Variants in GMDS observed in about 807,000 individuals in gnomAD.
GMDS encodes GDP-mannose 4,6 dehydratase.
Under a neutral mutation model 49.9 loss-of-function variants are expected in GMDS, and 20 were observed. That is an observed-to-expected ratio of 0.40 (90% CI 0.28 to 0.58). The LOEUF is 0.58. Among genes scored for constraint, GMDS ranks in the 20% least tolerant of loss-of-function variants. The pLI, the probability that GMDS is intolerant of heterozygous loss-of-function variation, is 0.42. For synonymous variants in GMDS, 177 were observed against 178.6 expected (o/e 0.99, Z 0.07); for missense variants, 362 against 481.4 (o/e 0.75, Z 2.32).
intron 1 of GMDS, among the ~76,000 whole-genome samples, chr6:2,204,799 C>T (rs1025446432): frequency 3.9e-5 from 6 of 152,158 alleles, no homozygotes; most frequent in Non-Finnish European, 5.9e-5. Context: ...ATGTCCCTTT[C>T]GCCTACTGGT....
At chr6:2,171,206 C>A (rs1324639777) in intron 1 of GMDS, among the ~76,000 whole-genome samples, 1 of 152,114 alleles carries the variant, frequency 6.6e-6, no homozygotes, top group Admixed American at 6.5e-5. Flanking sequence ...TTTCAGTGGT[C>A]TGAGGAGCTT....
rs1763105327 is a variant in GMDS at position 1,635,173 on chromosome 6, G to A, written c.988-10633C>T. Among the ~76,000 whole-genome samples, 1 of 152,178 alleles carries A rather than the reference G, an allele frequency of 6.6e-6. No individual in the cohort carries two copies. Among genetic ancestry groups the A allele is most frequent in the African/African-American group, 2.4e-5 (1 of 41,438 alleles). On this transcript the variant is annotated intron_variant, in intron 9 of 10. Coordinates refer to ENST00000380815, the MANE Select transcript of GMDS (RefSeq NM_001500.4). The surrounding 1 kb of genome is among the most constrained non-coding windows in gnomAD (Gnocchi z 4.7). ...GTGATCTCTCATATCATTCCATGGA[G>A]CACGCCTTCTTGTTTTGATCCTGAT...
chr6:1,772,035 A>G (rs1768598066), intron 7 of GMDS, among the ~76,000 whole-genome samples: 1 of 152,230 alleles, frequency 6.6e-6, no homozygotes, highest in Admixed American at 6.5e-5. Context: ...GGAAACCTGT[A>G]GCCTTACTGA....
At chr6:2,199,634 C>T (rs1419409988) in intron 1 of GMDS, among the ~76,000 whole-genome samples, 3 of 152,178 alleles carry the variant, frequency 2.0e-5, no homozygotes, top group Admixed American at 2.0e-4. Context: ...TTTTCAGCTC[C>T]TCTGAAGGCC....
chr6:2,019,225 A>G (rs1410969607), intron 4 of GMDS, among the ~76,000 whole-genome samples: 3 of 151,512 alleles, frequency 2.0e-5, no homozygotes, highest in Admixed American at 2.0e-4. Flanking sequence ...TCTATATACA[A>G]TATAAGATGA....
At position 1,858,780 on chromosome 6, in the gene GMDS, C is replaced by A. The variant is rs147011030; in HGVS notation, c.771+71323G>T. The stretch of plus-strand genomic sequence containing the variant: ...TTCCTGGGATCATTAATATTGAGCA[C>A]CATTTGCTGATCTTATGAGAACGTA... On this transcript the variant is annotated intron_variant, in intron 7 of 10. Coordinates refer to ENST00000380815, the MANE Select transcript of GMDS (RefSeq NM_001500.4). Among the ~76,000 whole-genome samples, 899 of 152,090 alleles carry A rather than the reference C, an allele frequency of 5.9e-3. 9 individuals carry two copies. The highest frequency in any genetic ancestry group is 0.02 in the African/African-American group (845 of 41,492).
At chr6:1,729,455 G>A (rs953039226) in intron 8 of GMDS, among the ~76,000 whole-genome samples, 1 of 152,174 alleles carries the variant, frequency 6.6e-6, no homozygotes, top group African/African-American at 2.4e-5. Flanking sequence ...TACATTGAAT[G>A]AGCAAATGTA....
chr6:1,787,506 T>G (rs1769371082), intron 7 of GMDS, among the ~76,000 whole-genome samples: 1 of 152,232 alleles, frequency 6.6e-6, no homozygotes, highest in Non-Finnish European at 1.5e-5. Flanking sequence ...AAAACAGATC[T>G]TGAAATGTTC....
At chr6:2,144,304 G>A (rs1776445920) in intron 1 of GMDS, among the ~76,000 whole-genome samples, 1 of 152,214 alleles carries the variant, frequency 6.6e-6, no homozygotes, top group Admixed American at 6.5e-5. Flanking sequence ...GGAATCAGCT[G>A]ATTGTCCTCA....
intron 6 of GMDS, among the ~76,000 whole-genome samples, chr6:1,943,466 T>C (rs1352154250): frequency 1.3e-5 from 2 of 152,198 alleles, no homozygotes; most frequent in African/African-American, 2.4e-5. Context: ...TAACACAGTA[T>C]ATAACACATG....
rs1021485816 is a variant in GMDS at position 1,833,395 on chromosome 6, A to G, written c.772-90809T>C. 2.0e-5 allele frequency among the ~76,000 whole-genome samples: 3 copies of G among 151,998 alleles called. No individual in the cohort carries two copies. Among genetic ancestry groups the G allele is most frequent in the African/African-American group, 7.2e-5 (3 of 41,380 alleles). ...ATGAGAACAGCATCTGTCCTCAGAGACCAAGCAGAGTGATTCACTATTTCA... is the reference window on the plus strand; with the variant it reads ...ATGAGAACAGCATCTGTCCTCAGAGGCCAAGCAGAGTGATTCACTATTTCA... On this transcript the variant is annotated intron_variant, in intron 7 of 10. Transcript: ENST00000380815. This position sits in a 1 kb window ranked among gnomAD's most constrained non-coding sequence, Gnocchi z 4.4.
At chr6:1,832,142 C>A (rs1756676180) in intron 7 of GMDS, among the ~76,000 whole-genome samples, 1 of 151,504 alleles carries the variant, frequency 6.6e-6, no homozygotes, top group Non-Finnish European at 1.5e-5. Context: ...ATCACTTGAG[C>A]AACTTGCTAT....
intron 1 of GMDS, among the ~76,000 whole-genome samples, chr6:2,180,702 G>A (rs1016107370): frequency 1.3e-5 from 2 of 152,066 alleles, no homozygotes; most frequent in African/African-American, 4.8e-5. Context: ...TAGCTAATGT[G>A]AACAAATCCT....
At chr6:1,831,927 T>C (rs1019315080) in intron 7 of GMDS, among the ~76,000 whole-genome samples, 2 of 152,130 alleles carry the variant, frequency 1.3e-5, no homozygotes, top group Non-Finnish European at 2.9e-5. Flanking sequence ...CAAGGAAATT[T>C]CTGTCTGGTC....
chr6:2,043,637 TG>T (rs1370998508), intron 4 of GMDS, among the ~76,000 whole-genome samples: 1 of 152,240 alleles, frequency 6.6e-6, no homozygotes, highest in African/African-American at 2.4e-5. Flanking sequence ...TTATAAAATT[TG>T]AAAGTGCACG....
At chr6:2,096,917 T>C (rs1773636910) in intron 4 of GMDS, among the ~76,000 whole-genome samples, 1 of 152,164 alleles carries the variant, frequency 6.6e-6, no homozygotes, top group South Asian at 2.1e-4. Context: ...AGTTAGTGAC[T>C]GTAAATTTTA....
intron 9 of GMDS, among the ~76,000 whole-genome samples, chr6:1,726,076 CGTT>C (rs1766573613): frequency 2.0e-5 from 3 of 152,148 alleles, no homozygotes; most frequent in South Asian, 4.1e-4. Context: ...TCTGGGACAG[CGTT>C]GTTAAGTCAG....
intron 9 of GMDS, among the ~76,000 whole-genome samples, chr6:1,700,439 A>T (rs1261806907): frequency 1.3e-5 from 2 of 152,154 alleles, no homozygotes; most frequent in Non-Finnish European, 2.9e-5. Flanking sequence ...GGGAAGGGAG[A>T]GCCTGGGGCA....
intron 7 of GMDS, among the ~76,000 whole-genome samples, chr6:1,812,142 T>C (rs558388226): frequency 6.6e-6 from 1 of 152,234 alleles, no homozygotes; most frequent in South Asian, 2.1e-4. Flanking sequence ...AAAGGTAGAT[T>C]GGCGCAAAAC....
Sources: gnomAD v4.1 joint callset for allele counts (sites outside exome capture counted in the v4.1 genomes callset) on GRCh38, gnomAD v4.1.1 for gene constraint, Gnocchi (gnomAD v3.1) non-coding constraint, MANE v1.5 for transcripts, NCBI Gene and HGNC (gene_info 2026-07-23, HGNC 2026-07-21) for gene names.